IMPDH2: variants seen among roughly 807,000 people sequenced by gnomAD.
IMPDH2 encodes the protein inosine monophosphate dehydrogenase 2.
IMPDH2 carries 33 observed loss-of-function variants against 57.8 expected under a neutral mutation model. The observed-to-expected ratio is 0.57, with a 90% CI of 0.43 to 0.76. The LOEUF is 0.76. IMPDH2 is among the 30% of genes least tolerant of loss of function. IMPDH2 has a pLI of 0.00. For missense variants in IMPDH2, 446 were observed against 659.1 expected, an observed-to-expected ratio of 0.68 and a Z score of 3.54; for synonymous variants, 270 against 241.3, an observed-to-expected ratio of 1.12 and a Z score of -1.10.
At chr3:49,029,185 C>T (rs1254804529) in intron 1 of IMPDH2, 68 bp downstream of exon 1, 2 of 1,300,400 alleles carry the variant, frequency 1.5e-6, no homozygotes, top group East Asian at 5.0e-5. Context: ...CTCTCGGAAG[C>T]CCCCATCTGG....
intron 9 of IMPDH2, 42 bp from the exon 10 acceptor site, chr3:49,025,311 G>A (rs749661837): frequency 1.9e-6 from 3 of 1,611,576 alleles, no homozygotes; most frequent in African/African-American, 1.3e-5. Context: ...GGGTTAATGG[G>A]GACGGGCAGT....
rs2093210979 is a variant in IMPDH2, at chr3:49,028,780, A to G, written c.125T>C (p.Ile42Thr). Residue 42 changes from isoleucine to threonine, a missense_variant, in exon 2 of 14, where the codon ATC (isoleucine) becomes ACC (threonine). By Grantham distance (89) the Ile-to-Thr change is moderately conservative (BLOSUM62 -1). Transcript: ENST00000326739. The part of the protein sequence containing the change: ...YNDFLILPGY[I>T]DFTADQVDLT... ...CACCACCTGGTCTGCAGTGAAGTCGATGTACCCAGGGAGAATGAGAAAGTC... is the reference window on the plus strand; with the variant it reads ...CACCACCTGGTCTGCAGTGAAGTCGGTGTACCCAGGGAGAATGAGAAAGTC... 6.2e-7 allele frequency: 1 copy of G among 1,613,844 alleles called. No individual in the cohort carries two copies. The highest frequency in any genetic ancestry group is 1.7e-5 in the Admixed American group (1 of 59,998).
intron 2 of IMPDH2, 22 bp downstream of exon 2, chr3:49,028,736 C>T: frequency 6.2e-7 from 1 of 1,600,368 alleles, no homozygotes; most frequent in Non-Finnish European, 8.6e-7. Context: ...ATGTTCAGGA[C>T]CCAATTCCTG....
Position 49,025,012 on chromosome 3 carries a change from G to A in IMPDH2, c.1179C>T (p.Thr393=), listed in dbSNP as rs766499900. The part of the protein sequence containing the change: ...TVMMGSLLAA[T]TEAPGEYFFS... ...AGAAGTATTCACCAGGGGCCTCAGTGGTGGCAGCCAGGAGAGAGCCCATCA... is the reference window on the plus strand; with the variant it reads ...AGAAGTATTCACCAGGGGCCTCAGTAGTGGCAGCCAGGAGAGAGCCCATCA... Residue 393 remains threonine, a synonymous_variant, in exon 11 of 14, where the codon ACC becomes ACT. Coordinates refer to ENST00000326739, the MANE Select transcript of IMPDH2 (RefSeq NM_000884.3). The A allele has an allele frequency of 1.2e-5, 20 of 1,614,250 alleles. No individual in the cohort carries two copies. The East Asian group carries it at 4.5e-4, about 36-fold the overall frequency.
chr3:49,026,920 A>C, intron 6 of IMPDH2, 34 bp from the exon 7 acceptor site: 2 of 1,613,454 alleles, frequency 1.2e-6, no homozygotes, highest in Non-Finnish European at 1.7e-6. Flanking sequence ...TCAGGACCCT[A>C]GGCATTAGTT....
rs72553872 is a variant in IMPDH2 at position 49,024,950 on chromosome 3, A to G, written c.1241T>C (p.Met414Thr). The G allele has an allele frequency of 6.2e-7, 1 of 1,614,114 alleles. No homozygotes were observed. The highest frequency in any genetic ancestry group is 1.7e-5 in the Admixed American group (1 of 60,006). The change falls in exon 11 of 14, where the codon ATG (methionine) becomes ACG (threonine). Residue 414 changes from methionine to threonine, a missense_variant. Met to Thr is a moderately conservative substitution (Grantham distance 81). Coordinates refer to ENST00000326739, the MANE Select transcript of IMPDH2 (RefSeq NM_000884.3). ...DGIRLKKYRGMGSLDAMDKHL... is the reference protein window; with the variant it reads ...DGIRLKKYRGTGSLDAMDKHL... ...CTTGTCCATGGCATCGAGAGAACCC[A>G]TACCGCGATATTTCTTTAGCCGGAT...
Position 49,028,058 on chromosome 3 carries a change from G to C in IMPDH2, c.325-142C>G. On this transcript the variant is annotated intron_variant, in intron 4 of 13. Transcript: ENST00000326739. ...CACACCAACACATCTTAGAGACATG[G>C]GTAGGCTGGAGGCACTGTACACCTG... 3 of 803,696 alleles carry C rather than the reference G, an allele frequency of 3.7e-6. No homozygotes were observed. The South Asian group carries it at 4.7e-5, about 13-fold the overall frequency. The allele number at this position is 803,696 out of a possible 1,614,324, so 49.8% of individuals were successfully genotyped here. A position where few individuals can be genotyped will look rare whatever the true frequency, so the allele number is the denominator to read the frequency against.
In IMPDH2 at chr3:49,029,393, GCA is replaced by G; in HGVS notation, c.-45_-44del. The G allele has an allele frequency of 7.4e-7, 1 of 1,347,562 alleles. No homozygotes were observed. Among genetic ancestry groups the G allele is most frequent in the Non-Finnish European group, 1.0e-6 (1 of 960,946 alleles). The allele number at this position is 1,347,562 out of a possible 1,614,324, so 83.5% of individuals were successfully genotyped here. A position where few individuals can be genotyped will look rare whatever the true frequency, so the allele number is the denominator to read the frequency against. On this transcript the variant is annotated 5_prime_UTR_variant, in exon 1 of 14. Transcript: ENST00000326739. ...GCCGCGTGTCTCCGAGGACCGCGCCGCAGAGACCTCTGCCGTCTGGGCCGCGC... is the reference window on the plus strand; with the variant it reads ...GCCGCGTGTCTCCGAGGACCGCGCCGGAGACCTCTGCCGTCTGGGCCGCGC...
rs1382259568 is a variant in IMPDH2 at position 49,026,744 on chromosome 3, C to A, written c.762G>T (p.Glu254Asp). ...LLCGAAIGTH[E>D]DDKYRLDLLA... The stretch of plus-strand genomic sequence containing the variant: ...GCAAGTCCAGCCTATACTTGTCATC[C>A]TCATGAGTGCCAATGGCTGCCCCAC... Residue 254 changes from glutamate (E) to aspartate (D), a missense_variant, in exon 7 of 14, where the codon GAG becomes GAT. Glu to Asp is a conservative substitution (Grantham distance 45). Coordinates refer to ENST00000326739, the MANE Select transcript of IMPDH2 (RefSeq NM_000884.3). 1 of 1,614,118 alleles carries A rather than the reference C, an allele frequency of 6.2e-7. No homozygotes were observed. Among genetic ancestry groups the A allele is most frequent in the African/African-American group, 1.3e-5 (1 of 74,944 alleles).
chr3:49,028,984 G>A (rs2093212329), intron 1 of IMPDH2, 178 bp from the exon 2 acceptor site: 7 of 665,118 alleles, frequency 1.1e-5, no homozygotes, highest in East Asian at 5.4e-5. Context: ...TTCTGCCACC[G>A]AGCTGTCATC....
chr3:49,029,010 C>T (rs2093212480), intron 1 of IMPDH2: 1 of 648,858 alleles, frequency 1.5e-6, no homozygotes, highest in South Asian at 1.7e-5. Context: ...TCCTGGCACC[C>T]TGACAATTCC....
Position 49,027,159 on chromosome 3 carries a change from T to C in IMPDH2, c.532-112A>G, listed in dbSNP as rs72624910. 2.0e-5 allele frequency: 16 copies of C among 813,448 alleles called. No individual in the cohort carries two copies. In the African/African-American group the frequency reaches 2.7e-4, roughly 14 times the overall value. The allele number at this position is 813,448 out of a possible 1,614,324, so 50.4% of individuals were successfully genotyped here. A position where few individuals can be genotyped will look rare whatever the true frequency, so the allele number is the denominator to read the frequency against. On this transcript the variant is annotated intron_variant, in intron 5 of 13. Coordinates refer to ENST00000326739, the MANE Select transcript of IMPDH2 (RefSeq NM_000884.3). ...AGAGGCACGCGCCACCACACCCAAC[T>C]AATTTTTTGTATTTTTAGTAGAGAC...
At chr3:49,027,196 A>G (rs2093203398) in intron 5 of IMPDH2, 149 bp from the exon 6 acceptor site, 1 of 677,244 alleles carries the variant, frequency 1.5e-6, no homozygotes, top group Non-Finnish European at 2.6e-6. Context: ...GGGTTTCACC[A>G]TGTTGGCCAG....
In IMPDH2 at chr3:49,029,379, C is replaced by A; in HGVS notation, c.-29G>T. ...CAACACAGGACACCGCCGCGTGTCT[C>A]CGAGGACCGCGCCGCAGAGACCTCT... is the stretch of plus-strand genomic sequence containing the variant. On this transcript the variant is annotated 5_prime_UTR_variant, in exon 1 of 14. Transcript: ENST00000326739. The A allele has an allele frequency of 2.0e-6, 3 of 1,468,634 alleles. No individual in the cohort carries two copies. The highest frequency in any genetic ancestry group is 2.8e-6 in the Non-Finnish European group (3 of 1,067,742). The allele number at this position is 1,468,634 out of a possible 1,614,324, so 91.0% of individuals were successfully genotyped here. A position where few individuals can be genotyped will look rare whatever the true frequency, so the allele number is the denominator to read the frequency against.
chr3:49,027,781 A>G lies in IMPDH2; in HGVS notation c.460T>C (p.Leu154=), dbSNP rs11557542. Reference sequence around the variant, plus strand: ...TCCCTGGAGGAGATGATGCCCACCAAGCGGCTCCCCATCCGGCCTGTGTCT... The same window carrying G: ...TCCCTGGAGGAGATGATGCCCACCAGGCGGCTCCCCATCCGGCCTGTGTCT... ...ITDTGRMGSR[L]VGIISSRDID... The change falls in exon 5 of 14, where the codon TTG becomes CTG. Residue 154 remains leucine, a synonymous_variant. Transcript: ENST00000326739. 1.2e-6 allele frequency: 2 copies of G among 1,614,190 alleles called. No individual in the cohort carries two copies. Among genetic ancestry groups the G allele is most frequent in the Admixed American group, 3.3e-5 (2 of 60,024 alleles).
At chr3:49,028,671 C>G in intron 2 of IMPDH2, 87 bp downstream of exon 2, 1 of 1,388,534 alleles carries the variant, frequency 7.2e-7, no homozygotes, top group Non-Finnish European at 1.0e-6. Context: ...CCCCCAAGCC[C>G]AATCTGGTGA....
chr3:49,028,318 G>A lies in IMPDH2; in HGVS notation c.254C>T (p.Thr85Ile). The A allele has an allele frequency of 6.2e-7, 1 of 1,613,974 alleles. No individual in the cohort carries two copies. Among genetic ancestry groups the A allele is most frequent in the Non-Finnish European group, 8.5e-7 (1 of 1,179,856 alleles). ...EAGMAIAMAL[T>I]GGIGFIHHNC... is the part of the protein sequence containing the mutation. ...GTGGTGGATGAAGCCAATACCGCCT[G>A]TAAGCTACAGGATAAAAAGAGACTA... is the stretch of plus-strand genomic sequence containing the variant. Residue 85 changes from threonine to isoleucine, a missense_variant, in exon 4 of 14, where the codon ACA becomes ATA. By Grantham distance (89) the Thr-to-Ile change is moderately conservative. Coordinates refer to ENST00000326739, the MANE Select transcript of IMPDH2 (RefSeq NM_000884.3).
intron 9 of IMPDH2, chr3:49,025,933 C>G: frequency 2.2e-6 from 1 of 462,030 alleles, no homozygotes; most frequent in Non-Finnish European, 4.3e-6. Flanking sequence ...GCTACAGCTA[C>G]GTCAACCAAG....
Position 49,027,022 on chromosome 3 carries a change from A to T in IMPDH2, c.557T>A (p.Val186Glu). ...CAGTGTGATGCCTGCAGGGGCTACC[A>T]CCAAGTCTTCCCTCTTTGTCATTAT... ...EEIMTKREDL[V>E]VAPAGITLKE... Residue 186 changes from valine (V) to glutamate (E), a missense_variant, in exon 6 of 14, where the codon GTG becomes GAG. By Grantham distance (121) the Val-to-Glu change is moderately radical. Transcript: ENST00000326739. The T allele has an allele frequency of 6.2e-7, 1 of 1,613,906 alleles. No homozygotes were observed. Among genetic ancestry groups the T allele is most frequent in the Non-Finnish European group, 8.5e-7 (1 of 1,179,794 alleles).
Sources: gnomAD v4.1 joint callset for allele counts on GRCh38, gnomAD v4.1.1 for gene constraint, MANE v1.5 for transcripts, NCBI Gene and HGNC (gene_info 2026-07-23, HGNC 2026-07-21) for gene names.